CCDC171: variants seen among roughly 807,000 people sequenced by gnomAD.
CCDC171 encodes the protein coiled-coil domain-containing protein 171.
In CCDC171, 177 loss-of-function variants were observed where a neutral mutation model predicts 168.2. The ratio of observed to expected loss-of-function variants is 1.05; its 90% CI spans 0.93 to 1.19. The LOEUF is 1.19. Among genes scored for constraint, CCDC171 ranks in the 50% most tolerant of loss-of-function variants. CCDC171 has a pLI of 0.00. For synonymous variants in CCDC171, 687 were observed against 540.8 expected (o/e 1.27, Z -3.75); for missense variants, 1,991 against 1,539.0 (o/e 1.29, Z -4.91).
chr9:15,826,102 G>C (rs1470318809), intron 21 of CCDC171, among the ~76,000 whole-genome samples: 1 of 151,652 alleles, frequency 6.6e-6, no homozygotes, highest in Non-Finnish European at 1.5e-5. Context: ...TTCACTCTTT[G>C]TATTGAAATG....
rs564693377 is a variant in CCDC171 at position 15,749,675 on chromosome 9, A to C, written c.2671+4044A>C. ...AACTCAGGATTAAGAAACTCACTCT[A>C]AACCGCTCAACTACATGGAAACTGA... is the stretch of plus-strand genomic sequence containing the variant. On this transcript the variant is annotated intron_variant, in intron 18 of 25. Transcript: ENST00000380701. Among the ~76,000 whole-genome samples, 32 of 152,350 alleles carry C rather than the reference A, an allele frequency of 2.1e-4. 1 individual carries two copies. In the South Asian group the frequency reaches 6.4e-3, roughly 31 times the overall value.
intron 9 of CCDC171, among the ~76,000 whole-genome samples, chr9:15,669,827 G>A (rs1039210433): frequency 6.6e-6 from 1 of 151,472 alleles, no homozygotes; most frequent in African/African-American, 2.4e-5. Flanking sequence ...CACCCAAAAG[G>A]ATAAACATAT....
chr9:15,962,121 T>G (rs527239554), intron 25 of CCDC171, among the ~76,000 whole-genome samples: 59 of 152,280 alleles, frequency 3.9e-4, no homozygotes, highest in Admixed American at 7.2e-4. Flanking sequence ...TGCTCATTCA[T>G]TTACATATCC....
rs573829381 is a variant in CCDC171, at chr9:15,561,590, C to T, written c.-111-2388C>T. ...TTCATTACTATCCTGTAACTCTGAA[C>T]TTGACTGTCCTCATCATTCCTTGCC... is the stretch of plus-strand genomic sequence containing the variant. On this transcript the variant is annotated intron_variant, in intron 1 of 25. Coordinates refer to ENST00000380701, the MANE Select transcript of CCDC171 (RefSeq NM_173550.4). 3.9e-5 allele frequency among the ~76,000 whole-genome samples: 6 copies of T among 152,206 alleles called. No homozygotes were observed. In the East Asian group the frequency reaches 1.2e-3, roughly 29 times the overall value.
intron 3 of CCDC171, among the ~76,000 whole-genome samples, chr9:15,979,376 G>A (rs1430869351): frequency 3.9e-5 from 6 of 152,124 alleles, no homozygotes; most frequent in Non-Finnish European, 7.4e-5. Context: ...TGATCTTAGG[G>A]AAAAGCATTA....
At chr9:16,101,992 T>C in the CCDC171 span, among the ~76,000 whole-genome samples, 1 of 152,218 alleles carries the variant, frequency 6.6e-6, no homozygotes, top group East Asian at 1.9e-4. Flanking sequence ...AAATACACGT[T>C]GTTTTAAGCT....
At chr9:16,010,593 C>A (rs1832842473) in intron 3 of CCDC171, among the ~76,000 whole-genome samples, 1 of 152,134 alleles carries the variant, frequency 6.6e-6, no homozygotes, top group Non-Finnish European at 1.5e-5. Flanking sequence ...CAGCTCTTTT[C>A]CTTTCCACGC....
intron 7 of CCDC171, among the ~76,000 whole-genome samples, chr9:15,639,414 G>A (rs926898088): frequency 6.6e-5 from 10 of 151,988 alleles, no homozygotes; most frequent in Non-Finnish European, 1.2e-4. Context: ...TTTAAAGAAG[G>A]TAAATCAGTT....
At chr9:15,963,898 A>T (rs995408187) in intron 25 of CCDC171, among the ~76,000 whole-genome samples, 2 of 152,146 alleles carry the variant, frequency 1.3e-5, no homozygotes, top group African/African-American at 4.8e-5. Flanking sequence ...TAGTTATATG[A>T]CCTAAGTTCT....
chr9:15,709,060 A>AT (rs1239245113), intron 11 of CCDC171, among the ~76,000 whole-genome samples: 1 of 152,182 alleles, frequency 6.6e-6, no homozygotes, highest in Non-Finnish European at 1.5e-5. Flanking sequence ...TACATTTAGA[A>AT]CAGAGTGGTG....
rs561116170 is a variant in CCDC171 at position 15,887,119 on chromosome 9, A to G, written c.3600+12456A>G. The stretch of plus-strand genomic sequence containing the variant: ...AGAGTAGATCTTCAGTATTCTCACC[A>G]CATACACAAAAGAGGGTAACTCTGT... On this transcript the variant is annotated intron_variant, in intron 24 of 25. Transcript: ENST00000380701. 1.8e-4 allele frequency among the ~76,000 whole-genome samples: 27 copies of G among 152,240 alleles called. No homozygotes were observed. The South Asian group carries it at 4.6e-3, about 26-fold the overall frequency.
intron 11 of CCDC171, among the ~76,000 whole-genome samples, chr9:15,721,434 GGA>G (rs2053468936): frequency 1.3e-5 from 2 of 151,578 alleles, no homozygotes; most frequent in South Asian, 4.2e-4. Flanking sequence ...CCGTTACTTA[GGA>G]GACATGAAAA....
intron 25 of CCDC171, among the ~76,000 whole-genome samples, chr9:15,955,716 C>A (rs1384673628): frequency 6.6e-6 from 1 of 152,114 alleles, no homozygotes; most frequent in Non-Finnish European, 1.5e-5. Flanking sequence ...TAGCTGGTTC[C>A]TGGTGCTTAC....
intron 14 of CCDC171, among the ~76,000 whole-genome samples, chr9:15,727,292 G>T (rs1049589209): frequency 1.3e-5 from 2 of 152,128 alleles, no homozygotes; most frequent in African/African-American, 4.8e-5. Flanking sequence ...TGCCTAAGGG[G>T]CTTGGGATAG....
chr9:15,676,694 A>G (rs1201165506), intron 9 of CCDC171, among the ~76,000 whole-genome samples: 4 of 152,036 alleles, frequency 2.6e-5, no homozygotes, highest in Non-Finnish European at 4.4e-5. Context: ...GAAAGTAGCT[A>G]TTTGAGAAAT....
intron 18 of CCDC171, among the ~76,000 whole-genome samples, chr9:15,759,305 A>T (rs2056317060): frequency 1.3e-5 from 2 of 152,206 alleles, no homozygotes; most frequent in African/African-American, 4.8e-5. Flanking sequence ...TGATAGTATG[A>T]TGCTGTGTCA....
chr9:15,952,918 A>C (rs1829374279), intron 25 of CCDC171, among the ~76,000 whole-genome samples: 1 of 152,062 alleles, frequency 6.6e-6, no homozygotes, highest in Non-Finnish European at 1.5e-5. Flanking sequence ...TTTAATGCCT[A>C]GGTATTTTAT....
rs760287401 is a variant in CCDC171 at position 15,721,909 on chromosome 9, G to A, written c.1425+34G>A. The stretch of plus-strand genomic sequence containing the variant: ...TGCACTGTTTGGCTCCACACATATA[G>A]CCTTCGGCCTGTACCAGTACGTATT... On this transcript the variant is annotated intron_variant, in intron 12 of 25. Coordinates refer to ENST00000380701, the MANE Select transcript of CCDC171 (RefSeq NM_173550.4). 5 of 1,182,382 alleles carry A rather than the reference G, an allele frequency of 4.2e-6. No individual in the cohort carries two copies. The South Asian group carries it at 7.6e-5, about 18-fold the overall frequency. 73.2% of individuals were successfully genotyped at this position (1,182,382 alleles called of 1,614,324 possible). A position where few individuals can be genotyped will look rare whatever the true frequency, so the allele number is the denominator to read the frequency against.
intron 18 of CCDC171, among the ~76,000 whole-genome samples, chr9:15,777,230 C>G (rs2057374484): frequency 6.6e-6 from 1 of 152,092 alleles, no homozygotes; most frequent in African/African-American, 2.4e-5. Context: ...ATTATATTTT[C>G]TTGTCTGAGA....
Sources: gnomAD v4.1 joint callset for allele counts (sites outside exome capture counted in the v4.1 genomes callset) on GRCh38, gnomAD v4.1.1 for gene constraint, MANE v1.5 for transcripts, NCBI Gene and HGNC (gene_info 2026-07-23, HGNC 2026-07-21) for gene names.